The following DOCK10 variants were observed in gnomAD, a reference collection of about 807,000 sequenced individuals.
DOCK10 encodes dedicator of cytokinesis 10, also known as dedicator of cytokinesis protein 10.
In DOCK10, 145 loss-of-function variants were observed where a neutral mutation model predicts 280.1. The ratio of observed to expected loss-of-function variants is 0.52; its 90% confidence interval spans 0.45 to 0.59. The LOEUF (loss-of-function observed/expected upper bound fraction) is 0.59, where lower values mean the gene tolerates loss of function less well. Ranked by LOEUF, DOCK10 falls within the 20% of genes least tolerant of loss-of-function variation. DOCK10 has a pLI of 0.00. For missense variants in DOCK10, 2,368 were observed against 2,651.7 expected (o/e 0.89, Z 2.35); for synonymous variants, 915 against 942.2 (o/e 0.97, Z 0.53).
At chr2:224,985,025 A>G (rs1705931222) in intron 1 of DOCK10, among the ~76,000 whole-genome samples, 1 of 152,064 alleles carries the variant, frequency 6.6e-6, no homozygotes, top group African/African-American at 2.4e-5. Flanking sequence ...ATAAGCAGGA[A>G]ATATTTTAAG....
chr2:224,855,324 T>A (rs1038513442), intron 15 of DOCK10, among the ~76,000 whole-genome samples: 2 of 152,230 alleles, frequency 1.3e-5, no homozygotes, highest in African/African-American at 4.8e-5. Flanking sequence ...CTACTTCAGA[T>A]AACACAAAAA....
intron 1 of DOCK10, among the ~76,000 whole-genome samples, chr2:225,015,775 T>C (rs534176035): frequency 1.3e-5 from 2 of 152,340 alleles, no homozygotes; most frequent in East Asian, 1.9e-4. Flanking sequence ...TGCCGTTTCA[T>C]TTCTAGTACA....
intron 1 of DOCK10, among the ~76,000 whole-genome samples, chr2:224,941,481 G>A (rs1280279639): frequency 6.6e-6 from 1 of 152,092 alleles, no homozygotes; most frequent in Non-Finnish European, 1.5e-5. Context: ...GAGAAGGCTG[G>A]GGCTGGTATA....
Position 224,787,338 on chromosome 2 carries a change from A to G in DOCK10, c.5478T>C (p.Tyr1826=). ...GCTTGTTGACATCAGCAATGAGTTC[A>G]TATCGCTCAGACTTCCAGAGAAACT... The part of the protein sequence containing the change: ...CVEFLWKSER[Y]ELIADVNKPI... Residue 1826 remains tyrosine (Y), a synonymous_variant, in exon 49 of 56, where the codon TAT becomes TAC. Transcript: ENST00000258390. 1 of 1,614,012 alleles carries G rather than the reference A, an allele frequency of 6.2e-7. No homozygotes were observed. Among genetic ancestry groups the G allele is most frequent in the East Asian group, 2.2e-5 (1 of 44,888 alleles).
rs1400522444 is a variant in DOCK10, at chr2:224,786,011, A to G, written c.5655+1011T>C. On this transcript the variant is annotated intron_variant, in intron 50 of 55. Transcript: ENST00000258390. The surrounding 1 kb of genome is among the most constrained non-coding windows in gnomAD (Gnocchi z 4.7). Reference sequence around the variant, plus strand: ...GGAGTTCAAGACCAGCCTGGCCAACATAATGAAACCCTGTCTCTACTAAAA... The same window carrying G: ...GGAGTTCAAGACCAGCCTGGCCAACGTAATGAAACCCTGTCTCTACTAAAA... Among the ~76,000 whole-genome samples, 1 of 152,132 alleles carries G rather than the reference A, an allele frequency of 6.6e-6. No homozygotes were observed. The highest frequency in any genetic ancestry group is 1.9e-4 in the East Asian group (1 of 5,146).
intron 1 of DOCK10, among the ~76,000 whole-genome samples, chr2:224,945,831 T>A (rs943191341): frequency 9.2e-5 from 14 of 152,178 alleles, no homozygotes; most frequent in African/African-American, 2.9e-4. Context: ...TGTTTGGAGA[T>A]GTTCTTGGTC....
Position 224,908,587 on chromosome 2 carries a change from C to A in DOCK10, c.333+8108G>T, listed in dbSNP as rs114687461. Reference sequence around the variant, plus strand: ...TGGCTCAGTCATGCAGTCTCAAATTCCTGAGCTCAAGCCATCCTCCTGCAT... The same window carrying A: ...TGGCTCAGTCATGCAGTCTCAAATTACTGAGCTCAAGCCATCCTCCTGCAT... On this transcript the variant is annotated intron_variant, in intron 3 of 55. Transcript: ENST00000258390. Among the ~76,000 whole-genome samples the A allele has an allele frequency of 6.1e-3, 923 of 152,230 alleles. 11 individuals are homozygous for A. The highest frequency in any genetic ancestry group is 0.02 in the African/African-American group (814 of 41,532).
At position 224,839,908 on chromosome 2, in the gene DOCK10, A is replaced by T. The variant is rs1226678609; in HGVS notation, c.2780+46T>A. 5 of 819,150 alleles carry T rather than the reference A, an allele frequency of 6.1e-6. No individual in the cohort carries two copies. The East Asian group carries it at 1.4e-4, about 22-fold the overall frequency. The allele number at this position is 819,150 out of a possible 1,614,324, so 50.7% of individuals were successfully genotyped here. ...TTAGTTATAATTAAGAGTTTATGTA[A>T]CTACACATTATAAAGTCTCTCCTCT... On this transcript the variant is annotated intron_variant, in intron 24 of 55. Coordinates refer to ENST00000258390, the MANE Select transcript of DOCK10 (RefSeq NM_014689.3).
At chr2:224,870,975 T>C (rs1430934286) in intron 11 of DOCK10, among the ~76,000 whole-genome samples, 1 of 151,920 alleles carries the variant, frequency 6.6e-6, no homozygotes, top group Non-Finnish European at 1.5e-5. Flanking sequence ...TACAGGCGTG[T>C]GCCACTGTGT....
At chr2:224,921,134 T>TAA (rs1553613984) in intron 2 of DOCK10, among the ~76,000 whole-genome samples, 13 of 109,178 alleles carry the variant, frequency 1.2e-4, no homozygotes, top group African/African-American at 4.3e-4. Context: ...TATATATATA[T>TAA]AATGTATATA....
chr2:224,978,558 T>C (rs1299213638), intron 1 of DOCK10, among the ~76,000 whole-genome samples: 1 of 152,172 alleles, frequency 6.6e-6, no homozygotes, highest in Admixed American at 6.5e-5. Flanking sequence ...AAGAAAAATA[T>C]GTGATCAGCA....
At chr2:224,807,596 C>A (rs141881921) in intron 33 of DOCK10, 72 bp downstream of exon 33, 2 of 1,052,892 alleles carry the variant, frequency 1.9e-6, no homozygotes, top group East Asian at 2.6e-5. Context: ...AATGGTTATC[C>A]AGGGCAAAAA....
intron 37 of DOCK10, 105 bp from the exon 38 acceptor site, chr2:224,804,946 G>T: frequency 8.1e-7 from 1 of 1,233,162 alleles, no homozygotes; most frequent in Non-Finnish European, 1.1e-6. Context: ...TCTTTAAATA[G>T]TTCATATATT....
rs939632840 is a variant in DOCK10 at position 224,797,139 on chromosome 2, G to A, written c.4652C>T (p.Ser1551Leu). The A allele has an allele frequency of 2.5e-6, 4 of 1,600,192 alleles. No homozygotes were observed. The highest frequency in any genetic ancestry group is 2.6e-6 in the Non-Finnish European group (3 of 1,173,582). ...SLRLFVCKFPSAFFQGPADLC... is the reference protein window; with the variant it reads ...SLRLFVCKFPLAFFQGPADLC... ...GTCAGCAGGCCCTTGAAAGAACGCT[G>A]AAGGAAACTGCAGAAATGGAAGAAC... Residue 1551 changes from serine (S) to leucine (L), a missense_variant, in exon 43 of 56, where the codon TCA becomes TTA. Physicochemically the swap from Ser to Leu is moderately radical, Grantham distance 145. Around this residue, in one of 2 missense-constraint regions of DOCK10, gnomAD observed 1,159 missense variants for 1,400.8 expected, o/e 0.83. Coordinates refer to ENST00000258390, the MANE Select transcript of DOCK10 (RefSeq NM_014689.3).
intron 4 of DOCK10, among the ~76,000 whole-genome samples, chr2:224,888,856 G>A (rs1442661226): frequency 2.0e-5 from 3 of 151,964 alleles, no homozygotes; most frequent in Non-Finnish European, 4.4e-5. Flanking sequence ...ATATATTTGT[G>A]TGTGACTACA....
intron 29 of DOCK10, among the ~76,000 whole-genome samples, chr2:224,818,991 C>T (rs1694331755): frequency 6.6e-6 from 1 of 152,144 alleles, no homozygotes; most frequent in African/African-American, 2.4e-5. Context: ...CAGTTCAGTT[C>T]CCAAGTGATG....
intron 55 of DOCK10, among the ~76,000 whole-genome samples, chr2:224,768,428 G>T (rs756610757): frequency 7.2e-5 from 11 of 152,072 alleles, no homozygotes; most frequent in African/African-American, 1.4e-4. Flanking sequence ...CTATAACAAG[G>T]CCTGTGCAAT....
intron 1 of DOCK10, among the ~76,000 whole-genome samples, chr2:224,939,981 T>C (rs1401471163): frequency 6.6e-6 from 1 of 152,204 alleles, no homozygotes; most frequent in African/African-American, 2.4e-5. Context: ...TTTAATTTCC[T>C]TTTGGGGACT....
intron 31 of DOCK10, 132 bp from the exon 32 acceptor site, chr2:224,808,218 C>A: frequency 1.2e-6 from 1 of 819,428 alleles, no homozygotes. Flanking sequence ...AGTCTTGCTA[C>A]AGAAATGAGG....
Sources: allele counts gnomAD v4.1 joint callset (sites outside exome capture counted in the v4.1 genomes callset), GRCh38; gene constraint gnomAD v4.1.1; regional missense constraint gnomAD v4.1.1; non-coding constraint Gnocchi (gnomAD v3.1); transcripts MANE v1.5; gene names NCBI Gene and HGNC (gene_info 2026-07-23, HGNC 2026-07-21).